Variants in SCAPER observed in about 807,000 individuals in gnomAD.
The protein encoded by SCAPER is S-phase cyclin A associated protein in the ER, also known as S phase cyclin A-associated protein in the endoplasmic reticulum.
A neutral mutation model predicts 182.2 loss-of-function variants in SCAPER; 98 were observed. The ratio of observed to expected loss-of-function variants is 0.54; its 90% CI spans 0.46 to 0.64. SCAPER has a LOEUF of 0.64. SCAPER is among the 30% of genes least tolerant of loss of function. The pLI, the probability that SCAPER is intolerant of heterozygous loss-of-function variation, is 0.00. For synonymous variants in SCAPER, 605 were observed against 564.6 expected, an observed-to-expected ratio of 1.07 and a Z score of -1.01; for missense variants, 1,432 against 1,690.0, an observed-to-expected ratio of 0.85 and a Z score of 2.68.
At chr15:76,478,750 C>T (rs569914933) in intron 24 of SCAPER, among the ~76,000 whole-genome samples, 3 of 152,014 alleles carry the variant, frequency 2.0e-5, no homozygotes, top group Non-Finnish European at 4.4e-5. Context: ...ATCATCGTGT[C>T]TATTTCACAT....
chr15:76,448,130 G>A (rs1272976834), intron 25 of SCAPER, among the ~76,000 whole-genome samples: 1 of 152,162 alleles, frequency 6.6e-6, no homozygotes, highest in Non-Finnish European at 1.5e-5. Context: ...GCTATACTGA[G>A]GGGTTTAGCT....
At chr15:76,409,993 T>G (rs2045170077) in intron 26 of SCAPER, among the ~76,000 whole-genome samples, 1 of 150,960 alleles carries the variant, frequency 6.6e-6, no homozygotes, top group South Asian at 2.1e-4. Context: ...GGGTTTTGCC[T>G]TGTTGCCTAG....
intron 25 of SCAPER, among the ~76,000 whole-genome samples, chr15:76,448,208 A>G (rs771328055): frequency 6.6e-6 from 1 of 152,176 alleles, no homozygotes; most frequent in East Asian, 1.9e-4. Context: ...AAAAGTTTTC[A>G]TTTTTTGAAA....
In SCAPER at chr15:76,764,311, G is replaced by A. The variant is rs542841335; in HGVS notation, c.1725+650C>T. ...CAGTCCTCAGCTCCAAAAGCTACAG[G>A]GTGTAGGCAGTGGCTGCCAGCAGCA... On this transcript the variant is annotated intron_variant, in intron 14 of 31. Coordinates refer to ENST00000563290, the MANE Select transcript of SCAPER (RefSeq NM_020843.4). 2.0e-5 allele frequency among the ~76,000 whole-genome samples: 3 copies of A among 152,324 alleles called. No homozygotes were observed. The East Asian group carries it at 5.8e-4, about 29-fold the overall frequency.
chr15:76,810,899 T>C (rs2066552559), intron 5 of SCAPER, among the ~76,000 whole-genome samples: 1 of 151,624 alleles, frequency 6.6e-6, no homozygotes, highest in Admixed American at 6.6e-5. Context: ...ATTATCAAAG[T>C]AGAATGTAAG....
intron 22 of SCAPER, among the ~76,000 whole-genome samples, chr15:76,612,562 C>T (rs2051100553): frequency 6.6e-6 from 1 of 152,050 alleles, no homozygotes; most frequent in East Asian, 1.9e-4. Context: ...AGCTGAAAAA[C>T]AGCTTCACCA....
intron 29 of SCAPER, among the ~76,000 whole-genome samples, chr15:76,357,722 G>A (rs1424134987): frequency 6.6e-6 from 1 of 152,140 alleles, no homozygotes; most frequent in African/African-American, 2.4e-5. Context: ...AGAAAGTGAG[G>A]TATGTATGGG....
chr15:76,497,718 C>A (rs978412495), intron 24 of SCAPER, among the ~76,000 whole-genome samples: 5 of 151,960 alleles, frequency 3.3e-5, no homozygotes, highest in Admixed American at 3.3e-4. Flanking sequence ...CATGGCCGGG[C>A]ACGGTGGCTC....
chr15:76,813,899 C>T (rs935135966), intron 5 of SCAPER, among the ~76,000 whole-genome samples: 4 of 152,128 alleles, frequency 2.6e-5, no homozygotes, highest in Middle Eastern at 3.4e-3. Context: ...TGGGTGCAGT[C>T]GCTCACACCC....
chr15:76,431,128 C>A (rs1266992675), intron 26 of SCAPER, among the ~76,000 whole-genome samples: 2 of 128,288 alleles, frequency 1.6e-5, no homozygotes, highest in East Asian at 4.1e-4. Context: ...CATGTGGAAC[C>A]CTCTTTTTTT....
rs77902901 is a variant in SCAPER, at chr15:76,661,022, T to G, written c.2645+4631A>C. ...AAATCACAAAACATTACTGAAATTT[T>G]ATGAAGAAGCTCTAAGGAAATGCAG... is the stretch of plus-strand genomic sequence containing the variant. On this transcript the variant is annotated intron_variant, in intron 21 of 31. Transcript: ENST00000563290. Among the ~76,000 whole-genome samples, 1,239 of 152,268 alleles carry G rather than the reference T, an allele frequency of 8.1e-3. 13 individuals carry two copies. The highest frequency in any genetic ancestry group is 0.028 in the African/African-American group (1,175 of 41,550).
chr15:76,463,176 T>A (rs977174105), intron 25 of SCAPER, among the ~76,000 whole-genome samples: 5 of 152,194 alleles, frequency 3.3e-5, no homozygotes, highest in Middle Eastern at 3.4e-3. Context: ...CCGTACTATA[T>A]AGTGAGGAAA....
At position 76,574,181 on chromosome 15, in the gene SCAPER, T is replaced by A; in HGVS notation, c.2815A>T (p.Ile939Phe). 1 of 1,607,562 alleles carries A rather than the reference T, an allele frequency of 6.2e-7. No homozygotes were observed. Among genetic ancestry groups the A allele is most frequent in the East Asian group, 2.2e-5 (1 of 44,694 alleles). Residue 939 changes from isoleucine to phenylalanine, a missense_variant, in exon 23 of 32, where the codon ATC becomes TTC. Around this residue, in one of 5 missense-constraint regions of SCAPER, gnomAD observed 718 missense variants for 799.7 expected, o/e 0.90. Transcript: ENST00000563290. ...ACCTCTTTTTCCAGTATTCTAGTGA[T>A]CTCTCCTAGGGTCCGATCCAAAGCA... is the stretch of plus-strand genomic sequence containing the variant. ...VSALDRTLGE[I>F]TRILEKENVA...
chr15:76,763,256 G>T (rs1449631834), intron 14 of SCAPER, among the ~76,000 whole-genome samples: 1 of 130,130 alleles, frequency 7.7e-6, no homozygotes, highest in Non-Finnish European at 1.6e-5. Context: ...GCAGGGTTTT[G>T]TTTTTTTCTT....
chr15:76,625,320 C>T (rs1265351963), intron 21 of SCAPER, among the ~76,000 whole-genome samples: 1 of 152,176 alleles, frequency 6.6e-6, no homozygotes, highest in African/African-American at 2.4e-5. Context: ...CAGCAGCACC[C>T]ATATGCAGAG....
chr15:76,694,433 C>T (rs1284269082), intron 20 of SCAPER, among the ~76,000 whole-genome samples: 1 of 151,996 alleles, frequency 6.6e-6, no homozygotes, highest in Non-Finnish European at 1.5e-5. Flanking sequence ...GTGGTAATCA[C>T]TACATAGAGT....
chr15:76,687,114 T>C (rs181700095), intron 20 of SCAPER, among the ~76,000 whole-genome samples: 72 of 152,270 alleles, frequency 4.7e-4, no homozygotes, highest in African/African-American at 1.6e-3. Flanking sequence ...TAGCAAATAT[T>C]GATTTTAAAA....
intron 17 of SCAPER, among the ~76,000 whole-genome samples, chr15:76,727,091 G>T (rs1032055461): frequency 4.7e-4 from 71 of 152,128 alleles, no homozygotes; most frequent in Middle Eastern, 3.4e-3. Context: ...ATGTAAGTTT[G>T]ATGAAAGGAT....
chr15:76,456,128 A>G (rs1432440665), intron 25 of SCAPER, among the ~76,000 whole-genome samples: 1 of 152,156 alleles, frequency 6.6e-6, no homozygotes, highest in Non-Finnish European at 1.5e-5. Context: ...TTCAATAAAC[A>G]TATGTGTGCA....
Sources: allele counts gnomAD v4.1 joint callset (sites outside exome capture counted in the v4.1 genomes callset), GRCh38; gene constraint gnomAD v4.1.1; regional missense constraint gnomAD v4.1.1; transcripts MANE v1.5; gene names NCBI Gene and HGNC (gene_info 2026-07-23, HGNC 2026-07-21).